TDRD3: variants seen among roughly 807,000 people sequenced by gnomAD.
TDRD3 encodes the protein tudor domain containing 3.
TDRD3 carries 45 observed loss-of-function variants against 86.7 expected under a neutral mutation model. That is an observed-to-expected ratio of 0.52 (90% CI 0.41 to 0.67). TDRD3 has a LOEUF of 0.67. TDRD3 is among the 30% of genes least tolerant of loss of function. The pLI, the probability that TDRD3 is intolerant of heterozygous loss-of-function variation, is 0.00. For missense variants in TDRD3, 814 were observed against 889.0 expected, an observed-to-expected ratio of 0.92 and a Z score of 1.07; for synonymous variants, 298 against 301.7, an observed-to-expected ratio of 0.99 and a Z score of 0.13.
chr13:60,500,873 G>T (rs1956815430), intron 8 of TDRD3, among the ~76,000 whole-genome samples: 1 of 152,140 alleles, frequency 6.6e-6, no homozygotes, highest in African/African-American at 2.4e-5. Flanking sequence ...AAGTGGATAG[G>T]ATGACCCATT....
At chr13:60,463,798 C>T (rs995640494) in intron 4 of TDRD3, among the ~76,000 whole-genome samples, 1 of 152,188 alleles carries the variant, frequency 6.6e-6, no homozygotes, top group Non-Finnish European at 1.5e-5. Flanking sequence ...GAGAGATCAT[C>T]TCACACAGTT....
In TDRD3 at chr13:60,509,929, A is replaced by G. The variant is rs768019005; in HGVS notation, c.1015+10A>G. 1.2e-6 allele frequency: 2 copies of G among 1,612,096 alleles called. No individual in the cohort carries two copies. Among genetic ancestry groups the G allele is most frequent in the Non-Finnish European group, 1.7e-6 (2 of 1,179,066 alleles). On this transcript the variant is annotated intron_variant, in intron 9 of 13. Transcript: ENST00000377881. ...GGTCCTCCTCTGAGAGGTATAATTT[A>G]TTAAGCAGTGTGCCAGATAGTATTG...
At chr13:60,543,809 T>G (rs542983596) in intron 12 of TDRD3, among the ~76,000 whole-genome samples, 2 of 152,234 alleles carry the variant, frequency 1.3e-5, no homozygotes, top group East Asian at 3.9e-4. Context: ...TTAGTAATAC[T>G]ATTTTATTGC....
chr13:60,541,716 C>CT (rs71199007), intron 12 of TDRD3, among the ~76,000 whole-genome samples: 2,520 of 40,862 alleles, frequency 0.062, 755 homozygotes, highest in African/African-American at 0.17. Context: ...TCAGCATAGT[C>CT]TTTTTTTTTT....
chr13:60,442,958 A>G (rs1844553476), intron 2 of TDRD3, among the ~76,000 whole-genome samples: 1 of 152,052 alleles, frequency 6.6e-6, no homozygotes, highest in Admixed American at 6.6e-5. Context: ...AAAACCAGAA[A>G]TGAGGGACCA....
chr13:60,421,774 T>C (rs758886086), intron 1 of TDRD3, among the ~76,000 whole-genome samples: 1 of 152,166 alleles, frequency 6.6e-6, no homozygotes, highest in African/African-American at 2.4e-5. Context: ...GCCAATCTTG[T>C]CCCACTTGTG....
chr13:60,488,383 A>G (rs1372419104), intron 7 of TDRD3, among the ~76,000 whole-genome samples: 2 of 152,200 alleles, frequency 1.3e-5, no homozygotes, highest in African/African-American at 4.8e-5. Flanking sequence ...AAATCAAATG[A>G]AAGTTTCAGA....
intron 12 of TDRD3, among the ~76,000 whole-genome samples, chr13:60,564,713 A>G (rs1958409949): frequency 6.6e-6 from 1 of 152,220 alleles, no homozygotes; most frequent in Admixed American, 6.5e-5. Flanking sequence ...TTTGTAAACT[A>G]TGAAATTAAA....
At position 60,510,641 on chromosome 13, in the gene TDRD3, G is replaced by A; in HGVS notation, c.1027G>A (p.Gly343Ser). The A allele has an allele frequency of 1.2e-6, 2 of 1,600,562 alleles. No homozygotes were observed. The highest frequency in any genetic ancestry group is 1.7e-6 in the Non-Finnish European group (2 of 1,173,652). ...MGPPLRGRGK[G>S]RGRIRSEDEE... Reference sequence around the variant, plus strand: ...TTTTGCATCTAAAGGTAGAGGAAAAGGCAGGGGGCGAATAAGATCTGAAGA... The same window carrying A: ...TTTTGCATCTAAAGGTAGAGGAAAAAGCAGGGGGCGAATAAGATCTGAAGA... The change falls in exon 10 of 14, where the codon GGC (glycine) becomes AGC (serine). Residue 343 changes from glycine to serine, a missense_variant. Physicochemically the swap from Gly to Ser is moderately conservative, Grantham distance 56. Coordinates refer to ENST00000377881, the MANE Select transcript of TDRD3 (RefSeq NM_001146070.2).
chr13:60,467,180 C>G, intron 4 of TDRD3, 58 bp from the exon 5 acceptor site: 5 of 1,594,750 alleles, frequency 3.1e-6, no homozygotes, highest in Non-Finnish European at 4.3e-6. Context: ...TGTTTCCCGC[C>G]CTGTGTCCAT....
intron 1 of TDRD3, among the ~76,000 whole-genome samples, chr13:60,427,866 G>A (rs1459286368): frequency 6.6e-6 from 1 of 152,148 alleles, no homozygotes; most frequent in African/African-American, 2.4e-5. Flanking sequence ...GTAATTACTG[G>A]AATTTGTAAT....
intron 13 of TDRD3, among the ~76,000 whole-genome samples, chr13:60,570,659 TGGAAGGCA>T (rs1958567648): frequency 6.6e-6 from 1 of 152,208 alleles, no homozygotes. Context: ...CCCTCATTGC[TGGAAGGCA>T]GCCATTGTTT....
chr13:60,455,008 G>T (rs879876453), intron 3 of TDRD3, among the ~76,000 whole-genome samples: 4 of 152,060 alleles, frequency 2.6e-5, no homozygotes, highest in African/African-American at 4.8e-5. Context: ...CTCCTTCCCG[G>T]ATTTAAGCGA....
At chr13:60,555,515 G>A (rs1228523961) in intron 12 of TDRD3, among the ~76,000 whole-genome samples, 1 of 152,210 alleles carries the variant, frequency 6.6e-6, no homozygotes, top group Non-Finnish European at 1.5e-5. Flanking sequence ...CTTTGAGCTA[G>A]TAAGTTGCAG....
At chr13:60,556,621 A>C (rs1164565581) in intron 12 of TDRD3, among the ~76,000 whole-genome samples, 1 of 152,230 alleles carries the variant, frequency 6.6e-6, no homozygotes, top group East Asian at 1.9e-4. Flanking sequence ...GCAAGATTAG[A>C]TATCAGATTG....
chr13:60,506,462 C>A (rs1428666734), intron 8 of TDRD3, among the ~76,000 whole-genome samples: 1 of 152,150 alleles, frequency 6.6e-6, no homozygotes, highest in Non-Finnish European at 1.5e-5. Flanking sequence ...AACATTGACA[C>A]TGGCCGAGTG....
rs1954819609 is a variant in TDRD3, at chr13:60,426,660, C to CTTAA, written c.42-13027_42-13024dup. Among the ~76,000 whole-genome samples, 3 of 152,236 alleles carry CTTAA rather than the reference C, an allele frequency of 2.0e-5. No individual in the cohort carries two copies. The South Asian group carries it at 6.2e-4, about 32-fold the overall frequency. ...AGTTGCCCCCATTAGAGTTAGAAAG[C>CTTAA]TTAAGCAGACCAATGTTATAGAAGA... On this transcript the variant is annotated intron_variant, in intron 1 of 13. Transcript: ENST00000377881.
intron 5 of TDRD3, among the ~76,000 whole-genome samples, chr13:60,471,172 A>T (rs563250447): frequency 2.0e-5 from 3 of 152,120 alleles, no homozygotes; most frequent in Non-Finnish European, 4.4e-5. Flanking sequence ...AAGAGTTTTT[A>T]TAGGTTTAGC....
intron 8 of TDRD3, among the ~76,000 whole-genome samples, chr13:60,508,011 C>T (rs946634702): frequency 1.3e-5 from 2 of 152,132 alleles, no homozygotes; most frequent in African/African-American, 4.8e-5. Context: ...CATGAGTGAA[C>T]TGCCATTCAC....
Sources: allele counts gnomAD v4.1 joint callset (sites outside exome capture counted in the v4.1 genomes callset), GRCh38; gene constraint gnomAD v4.1.1; transcripts MANE v1.5; gene names NCBI Gene and HGNC (gene_info 2026-07-23, HGNC 2026-07-21).